KIAA0825: variants seen among roughly 807,000 people sequenced by gnomAD.
KIAA0825 encodes uncharacterized protein KIAA0825.
In KIAA0825, 119 loss-of-function variants were observed where a neutral mutation model predicts 147.6. That is an observed-to-expected ratio of 0.81 (90% CI 0.69 to 0.94). KIAA0825 has a LOEUF of 0.94. KIAA0825 is among the 40% of genes least tolerant of loss of function. The pLI, the probability that KIAA0825 is intolerant of heterozygous loss-of-function variation, is 0.00. For missense variants in KIAA0825, 1,381 were observed against 1,472.7 expected (o/e 0.94, Z 1.02); for synonymous variants, 470 against 518.1 (o/e 0.91, Z 1.26).
At chr5:94,563,307 G>A (rs922758662) in intron 2 of KIAA0825, among the ~76,000 whole-genome samples, 2 of 151,476 alleles carry the variant, frequency 1.3e-5, no homozygotes, top group African/African-American at 4.9e-5. Flanking sequence ...GCAGTGAGCC[G>A]TGATCGCACC....
intron 5 of KIAA0825, among the ~76,000 whole-genome samples, chr5:94,489,887 C>CAAAAAAAAA (rs747717616): frequency 1.7e-5 from 1 of 58,150 alleles, no homozygotes; most frequent in Non-Finnish European, 3.6e-5. Context: ...GACTCTGTCT[C>CAAAAAAAAA]AAAAAAAAAA....
chr5:94,319,475 C>G (rs1246051089), intron 20 of KIAA0825, among the ~76,000 whole-genome samples: 1 of 151,858 alleles, frequency 6.6e-6, no homozygotes, highest in Admixed American at 6.6e-5. Context: ...GTCTTAAAGC[C>G]CTATCAAACG....
chr5:94,204,162 A>C (rs1393434428), intron 20 of KIAA0825, among the ~76,000 whole-genome samples: 1 of 152,172 alleles, frequency 6.6e-6, no homozygotes. Flanking sequence ...GAGTTATTCA[A>C]ATAGAACAAA....
chr5:94,544,724 A>C (rs1199176541), intron 2 of KIAA0825, among the ~76,000 whole-genome samples: 1 of 152,180 alleles, frequency 6.6e-6, no homozygotes, highest in African/African-American at 2.4e-5. Flanking sequence ...GTCTCATACT[A>C]AGGCAAATAT....
In KIAA0825 at chr5:94,309,765, C is replaced by T. The variant is rs569905516; in HGVS notation, c.3710+74603G>A. On this transcript the variant is annotated intron_variant, in intron 20 of 20. Coordinates refer to ENST00000682413, the MANE Select transcript of KIAA0825 (RefSeq NM_001145678.3). The stretch of plus-strand genomic sequence containing the variant: ...GATCTTGCTGTATGGTTCATCGGTT[C>T]CCTCCAATGAGTCCTAAACAGAGAG... Among the ~76,000 whole-genome samples, 14 of 151,744 alleles carry T rather than the reference C, an allele frequency of 9.2e-5. No individual in the cohort carries two copies. In the South Asian group the frequency reaches 2.9e-3, roughly 32 times the overall value.
chr5:94,268,767 C>T (rs1237785846), intron 20 of KIAA0825, among the ~76,000 whole-genome samples: 1 of 152,138 alleles, frequency 6.6e-6, no homozygotes, highest in Admixed American at 6.5e-5. Context: ...TCTCACTAAG[C>T]ATCTTTTTCT....
intron 9 of KIAA0825, 147 bp downstream of exon 9, chr5:94,471,319 C>A: frequency 1.1e-6 from 1 of 877,054 alleles, no homozygotes. Flanking sequence ...TTTGATATTT[C>A]CTAGTTAAGA....
At chr5:94,515,979 CA>C (rs1206803534) in intron 5 of KIAA0825, among the ~76,000 whole-genome samples, 1 of 152,046 alleles carries the variant, frequency 6.6e-6, no homozygotes, top group Non-Finnish European at 1.5e-5. Flanking sequence ...ATTATTTCAT[CA>C]TTTTTTTCAG....
At chr5:94,276,920 T>C (rs1358286300) in intron 20 of KIAA0825, among the ~76,000 whole-genome samples, 1 of 152,056 alleles carries the variant, frequency 6.6e-6, no homozygotes, top group Non-Finnish European at 1.5e-5. Flanking sequence ...TTGGCCTCTC[T>C]CCGCCTCTTT....
At chr5:94,510,264 C>T (rs191848556) in intron 5 of KIAA0825, among the ~76,000 whole-genome samples, 1 of 152,232 alleles carries the variant, frequency 6.6e-6, no homozygotes, top group East Asian at 1.9e-4. Flanking sequence ...AGTATCAAAA[C>T]TTCATATTAC....
chr5:94,538,990 G>A (rs1475354765), intron 2 of KIAA0825, among the ~76,000 whole-genome samples: 3 of 152,162 alleles, frequency 2.0e-5, no homozygotes, highest in African/African-American at 7.2e-5. Context: ...GAGACCTACT[G>A]GACTTCATTC....
intron 20 of KIAA0825, among the ~76,000 whole-genome samples, chr5:94,188,106 C>A (rs1279730763): frequency 6.6e-6 from 1 of 152,130 alleles, no homozygotes; most frequent in African/African-American, 2.4e-5. Flanking sequence ...TGTCTACAAC[C>A]CAGAAGAGGA....
chr5:94,174,214 C>G (rs961651699), intron 20 of KIAA0825, among the ~76,000 whole-genome samples: 1 of 152,096 alleles, frequency 6.6e-6, no homozygotes, highest in Non-Finnish European at 1.5e-5. Context: ...AAAGCAAAGG[C>G]CAACACTTTA....
At chr5:94,272,733 T>C (rs143274944) in intron 20 of KIAA0825, among the ~76,000 whole-genome samples, 2 of 152,316 alleles carry the variant, frequency 1.3e-5, no homozygotes, top group African/African-American at 4.8e-5. Context: ...TTTAGAACTT[T>C]ACCAGATTTA....
intron 18 of KIAA0825, among the ~76,000 whole-genome samples, chr5:94,388,018 C>G (rs961273032): frequency 6.6e-6 from 1 of 152,110 alleles, no homozygotes; most frequent in South Asian, 2.1e-4. Context: ...AGCAGCAGTC[C>G]GCAATCTTTT....
chr5:94,601,185 TGTA>T (rs1786366253), intron 1 of KIAA0825, among the ~76,000 whole-genome samples: 1 of 152,184 alleles, frequency 6.6e-6, no homozygotes, highest in South Asian at 2.1e-4. Flanking sequence ...ATAACAGGTC[TGTA>T]CCCCTTGGGA....
chr5:94,362,778 C>G (rs1221616283), intron 20 of KIAA0825, among the ~76,000 whole-genome samples: 1 of 152,144 alleles, frequency 6.6e-6, no homozygotes, highest in Non-Finnish European at 1.5e-5. Flanking sequence ...GAAGAATGAA[C>G]AAACAGTCAC....
intron 20 of KIAA0825, among the ~76,000 whole-genome samples, chr5:94,264,092 A>G (rs943511796): frequency 1.3e-5 from 2 of 152,132 alleles, no homozygotes; most frequent in African/African-American, 4.8e-5. Flanking sequence ...CCTCTCCCAC[A>G]TCTATCTGGC....
At chr5:94,365,414 C>T (rs564992486) in intron 20 of KIAA0825, among the ~76,000 whole-genome samples, 6 of 152,248 alleles carry the variant, frequency 3.9e-5, no homozygotes, top group South Asian at 4.1e-4. Context: ...GGCAGATGCC[C>T]GCATCAAGTT....
Sources: allele counts gnomAD v4.1 joint callset (sites outside exome capture counted in the v4.1 genomes callset), GRCh38; gene constraint gnomAD v4.1.1; transcripts MANE v1.5; gene names NCBI Gene and HGNC (gene_info 2026-07-23, HGNC 2026-07-21).